The following BMPR1B variants were observed in gnomAD, a reference collection of about 807,000 sequenced individuals.
The protein encoded by BMPR1B is bone morphogenetic protein receptor type 1B.
In BMPR1B, 12 loss-of-function variants were observed where a neutral mutation model predicts 59.1. The observed-to-expected ratio is 0.20, with a 90% CI of 0.13 to 0.33. The LOEUF (loss-of-function observed/expected upper bound fraction) is 0.33. Ranked by LOEUF, BMPR1B falls within the 10% of genes least tolerant of loss-of-function variation. The pLI, the probability that BMPR1B is intolerant of heterozygous loss-of-function variation, is 1.00. For missense variants in BMPR1B, 550 were observed against 610.9 expected (o/e 0.90, Z 1.05); for synonymous variants, 237 against 207.3 (o/e 1.14, Z -1.23).
intron 2 of BMPR1B, among the ~76,000 whole-genome samples, chr4:94,957,797 A>G (rs1276116725): frequency 4.6e-5 from 7 of 152,158 alleles, no homozygotes. Context: ...TCTTTTTCAA[A>G]TATGTTAAAA....
At position 94,886,910 on chromosome 4, in the gene BMPR1B, C is replaced by T. The variant is rs540828890; in HGVS notation, c.-113+11010C>T. On this transcript the variant is annotated intron_variant, in intron 2 of 12. Transcript: ENST00000515059. ...AGATATACCTCAAATCTGAAAATACCGAAAAAGAAACTGGGAAGATGGGAT... is the reference window on the plus strand; with the variant it reads ...AGATATACCTCAAATCTGAAAATACTGAAAAAGAAACTGGGAAGATGGGAT... Among the ~76,000 whole-genome samples the T allele has an allele frequency of 5.3e-5, 8 of 151,868 alleles. No individual in the cohort carries two copies. The South Asian group carries it at 6.2e-4, about 12-fold the overall frequency.
intron 3 of BMPR1B, among the ~76,000 whole-genome samples, chr4:95,040,947 C>G (rs931638107): frequency 6.6e-6 from 1 of 152,092 alleles, no homozygotes; most frequent in African/African-American, 2.4e-5. Context: ...GCTGTACCTC[C>G]TAAAGTACAG....
At chr4:94,765,924 G>T (rs1553743) in intron 1 of BMPR1B, among the ~76,000 whole-genome samples, 125,318 of 152,170 alleles carry the variant, frequency 0.82, 51,844 homozygotes, top group African/African-American at 0.91. Context: ...TATCATTTCC[G>T]AGTTGTGAGA....
At chr4:95,037,061 G>T (rs1725306050) in intron 3 of BMPR1B, among the ~76,000 whole-genome samples, 1 of 152,032 alleles carries the variant, frequency 6.6e-6, no homozygotes, top group Non-Finnish European at 1.5e-5. Flanking sequence ...GTAAAGTCTG[G>T]GACGGGTACA....
chr4:95,109,174 A>G (rs1370173615), intron 4 of BMPR1B, among the ~76,000 whole-genome samples: 3 of 152,228 alleles, frequency 2.0e-5, no homozygotes, highest in Middle Eastern at 3.4e-3. Flanking sequence ...TATTTTCTTC[A>G]AAGACAATCT....
chr4:94,922,143 C>A (rs972251227), intron 2 of BMPR1B, among the ~76,000 whole-genome samples: 3 of 151,864 alleles, frequency 2.0e-5, no homozygotes, highest in Admixed American at 6.6e-5. Context: ...CTCTTAATTT[C>A]TTTTTTCTTA....
At position 94,836,769 on chromosome 4, in the gene BMPR1B, C is replaced by T. The variant is rs1429843908; in HGVS notation, c.-182-39062C>T. Among the ~76,000 whole-genome samples the T allele has an allele frequency of 2.0e-5, 3 of 147,564 alleles. 1 individual carries two copies. Among genetic ancestry groups the T allele is most frequent in the Non-Finnish European group, 4.5e-5 (3 of 66,276 alleles). On this transcript the variant is annotated intron_variant, in intron 1 of 12. Transcript: ENST00000515059. The stretch of plus-strand genomic sequence containing the variant: ...CAGAAGCTCTTTATTTTAATTAGAT[C>T]CCATTTGTCAATTTTGTCTTCTGTT...
At chr4:95,108,054 T>C (rs1363621187) in intron 4 of BMPR1B, among the ~76,000 whole-genome samples, 1 of 152,092 alleles carries the variant, frequency 6.6e-6, no homozygotes, top group African/African-American at 2.4e-5. Flanking sequence ...AATTGTATAC[T>C]GATACTTTGC....
Position 94,898,181 on chromosome 4 carries a change from G to A in BMPR1B, c.-113+22281G>A, listed in dbSNP as rs1056704808. The stretch of plus-strand genomic sequence containing the variant: ...TACCCAGGCTGGTCTTTAACTCCTG[G>A]CCTCAAGCTGTCCTCCTTCCTCAGC... On this transcript the variant is annotated intron_variant, in intron 2 of 12. Transcript: ENST00000515059. Among the ~76,000 whole-genome samples the A allele has an allele frequency of 5.9e-5, 9 of 151,900 alleles. No homozygotes were observed. The East Asian group carries it at 1.6e-3, about 26-fold the overall frequency.
chr4:95,052,925 C>T (rs931979630), intron 3 of BMPR1B, among the ~76,000 whole-genome samples: 3 of 152,088 alleles, frequency 2.0e-5, no homozygotes, highest in Non-Finnish European at 2.9e-5. Flanking sequence ...CCAGGAAGCT[C>T]GAAGCATGAT....
intron 2 of BMPR1B, among the ~76,000 whole-genome samples, chr4:94,957,333 G>GTTTTT (rs56341742): frequency 4.6e-5 from 3 of 65,638 alleles, no homozygotes; most frequent in African/African-American, 1.7e-4. Flanking sequence ...CCTGTTTCGT[G>GTTTTT]TTTTTTTTTT....
At chr4:94,976,195 G>A (rs1388894953) in intron 2 of BMPR1B, among the ~76,000 whole-genome samples, 1 of 152,150 alleles carries the variant, frequency 6.6e-6, no homozygotes, top group Non-Finnish European at 1.5e-5. Flanking sequence ...TAGCATGGCA[G>A]CCCCAAGGCA....
chr4:95,083,704 C>T (rs1001390736), intron 3 of BMPR1B, among the ~76,000 whole-genome samples: 2 of 152,140 alleles, frequency 1.3e-5, no homozygotes, highest in Admixed American at 1.3e-4. Flanking sequence ...CACCTTCAAC[C>T]CAAAGATACC....
At chr4:95,106,161 T>C (rs1560657676) in intron 4 of BMPR1B, among the ~76,000 whole-genome samples, 1 of 151,856 alleles carries the variant, frequency 6.6e-6, no homozygotes, top group African/African-American at 2.4e-5. Context: ...GTAGGAACAG[T>C]AGAGCATAGT....
intron 3 of BMPR1B, among the ~76,000 whole-genome samples, chr4:95,097,662 C>G (rs191488313): frequency 2.3e-4 from 35 of 152,176 alleles, no homozygotes; most frequent in African/African-American, 7.9e-4. Context: ...CTCAGCCTCC[C>G]AAGTAGCTGG....
intron 2 of BMPR1B, among the ~76,000 whole-genome samples, chr4:94,939,885 A>G (rs1198871218): frequency 1.3e-5 from 2 of 152,230 alleles, no homozygotes; most frequent in Non-Finnish European, 2.9e-5. Context: ...GTCAAGACTC[A>G]TTAAATTATT....
At chr4:94,864,319 C>G (rs911360472) in intron 1 of BMPR1B, among the ~76,000 whole-genome samples, 1 of 151,994 alleles carries the variant, frequency 6.6e-6, no homozygotes, top group Non-Finnish European at 1.5e-5. Context: ...ATAATGGTAG[C>G]AGGAGAGAGA....
At chr4:94,900,372 G>A (rs1037323118) in intron 2 of BMPR1B, among the ~76,000 whole-genome samples, 2 of 150,038 alleles carry the variant, frequency 1.3e-5, no homozygotes, top group African/African-American at 4.9e-5. Context: ...ACAGAAATAA[G>A]TTTTAAGAAC....
At chr4:94,835,187 A>T (rs1332615790) in intron 1 of BMPR1B, among the ~76,000 whole-genome samples, 1 of 151,990 alleles carries the variant, frequency 6.6e-6, no homozygotes, top group Non-Finnish European at 1.5e-5. Context: ...AAATAAATTA[A>T]TATTTACTGA....
Sources: gnomAD v4.1 joint callset for allele counts (sites outside exome capture counted in the v4.1 genomes callset) on GRCh38, gnomAD v4.1.1 for gene constraint, MANE v1.5 for transcripts, NCBI Gene and HGNC (gene_info 2026-07-23, HGNC 2026-07-21) for gene names.